ASAP1: variants seen among roughly 807,000 people sequenced by gnomAD.
The protein encoded by ASAP1 is ArfGAP with SH3 domain, ankyrin repeat and PH domain 1, also known as arf-GAP with SH3 domain, ANK repeat and PH domain-containing protein 1.
ASAP1 carries 43 observed loss-of-function variants against 145.2 expected under a neutral mutation model. That is an observed-to-expected ratio of 0.30 (90% CI 0.23 to 0.38). The LOEUF (loss-of-function observed/expected upper bound fraction) is 0.38. Ranked by LOEUF, ASAP1 falls within the 10% of genes least tolerant of loss-of-function variation. ASAP1 has a pLI of 1.00. For missense variants in ASAP1, 1,018 were observed against 1,355.3 expected (o/e 0.75, Z 3.91); for synonymous variants, 546 against 515.5 (o/e 1.06, Z -0.80).
intron 11 of ASAP1, 109 bp from the exon 12 acceptor site, chr8:130,160,073 G>T: frequency 1.1e-6 from 1 of 896,638 alleles, no homozygotes. Context: ...AGGGAATTAT[G>T]GAACTTTAAG....
chr8:130,318,195 C>A (rs182691081), intron 3 of ASAP1, among the ~76,000 whole-genome samples: 1 of 152,290 alleles, frequency 6.6e-6, no homozygotes, highest in East Asian at 1.9e-4. Context: ...AATCCTCCCA[C>A]CTCAGCCCCC....
intron 5 of ASAP1, among the ~76,000 whole-genome samples, chr8:130,197,012 T>C (rs902929579): frequency 6.6e-6 from 1 of 152,218 alleles, no homozygotes; most frequent in African/African-American, 2.4e-5. Context: ...GAGCAAAGAA[T>C]CCCAGAGGCA....
intron 27 of ASAP1, among the ~76,000 whole-genome samples, chr8:130,074,041 A>C (rs1398519359): frequency 1.3e-5 from 2 of 152,168 alleles, no homozygotes; most frequent in African/African-American, 2.4e-5. Context: ...CTTTAGCCTA[A>C]GACACTTAGA....
chr8:130,262,417 AGAGAGAG>A lies in ASAP1; in HGVS notation c.187-25430_187-25424del, dbSNP rs139790881. 6.4e-3 allele frequency among the ~76,000 whole-genome samples: 210 copies of A among 32,946 alleles called. 3 individuals are homozygous for A. The highest frequency in any genetic ancestry group is 0.017 in the East Asian group (11 of 632). 21.6% of individuals were successfully genotyped at this position (32,946 alleles called of 152,430 possible). ...CAAAAAAAAAAAAAAAAAAAAAAAAAGAGAGAGAGAGAGAGAGAGAGAGAGAGAGAGA... is the reference window on the plus strand; with the variant it reads ...CAAAAAAAAAAAAAAAAAAAAAAAAAAGAGAGAGAGAGAGAGAGAGAGAGA... On this transcript the variant is annotated intron_variant, in intron 3 of 29. Coordinates refer to ENST00000518721, the MANE Select transcript of ASAP1 (RefSeq NM_018482.4).
At chr8:130,310,278 A>G (rs1336171228) in intron 3 of ASAP1, among the ~76,000 whole-genome samples, 2 of 152,218 alleles carry the variant, frequency 1.3e-5, no homozygotes, top group Non-Finnish European at 2.9e-5. Context: ...AGAATTATGA[A>G]GTAGAAAATT....
intron 11 of ASAP1, chr8:130,160,838 A>G (rs2097667689): frequency 8.0e-7 from 1 of 1,255,240 alleles, no homozygotes; most frequent in Non-Finnish European, 1.0e-6. Flanking sequence ...AAGGCAGAAC[A>G]TTTGAAAATA....
At chr8:130,141,440 G>A (rs2097610868) in intron 13 of ASAP1, among the ~76,000 whole-genome samples, 1 of 152,138 alleles carries the variant, frequency 6.6e-6, no homozygotes, top group South Asian at 2.1e-4. Flanking sequence ...CCTCCTCAGA[G>A]GAGGCGGTAC....
intron 1 of ASAP1, among the ~76,000 whole-genome samples, chr8:130,423,772 T>A (rs1335348074): frequency 1.3e-5 from 2 of 151,876 alleles, no homozygotes; most frequent in African/African-American, 4.8e-5. Flanking sequence ...TTATGGATGA[T>A]GATTATTTGC....
Position 130,437,060 on chromosome 8 carries a change from A to G in ASAP1, c.-28+6400T>C, listed in dbSNP as rs1451797492. Among the ~76,000 whole-genome samples the G allele has an allele frequency of 4.7e-5, 7 of 150,116 alleles. No individual in the cohort carries two copies. In the East Asian group the frequency reaches 1.4e-3, roughly 29 times the overall value. On this transcript the variant is annotated intron_variant, in intron 1 of 29. Transcript: ENST00000518721. ...GGAGCAGTTGCAGTGAGCCAAAATC[A>G]CACCACTGCACTCCAGCCTAGGCGA...
intron 24 of ASAP1, among the ~76,000 whole-genome samples, chr8:130,096,762 T>C (rs944565226): frequency 6.6e-6 from 1 of 152,126 alleles, no homozygotes; most frequent in African/African-American, 2.4e-5. Flanking sequence ...CAGAGATGGA[T>C]GACAGGACTA....
At chr8:130,168,589 A>C (rs1394711913) in intron 10 of ASAP1, among the ~76,000 whole-genome samples, 3 of 152,000 alleles carry the variant, frequency 2.0e-5, no homozygotes, top group Non-Finnish European at 4.4e-5. Context: ...GACTCTGAAA[A>C]ACAAAAACAA....
At position 130,174,667 on chromosome 8, in the gene ASAP1, T is replaced by C. The variant is rs577701544; in HGVS notation, c.746+4597A>G. On this transcript the variant is annotated intron_variant, in intron 9 of 29. Coordinates refer to ENST00000518721, the MANE Select transcript of ASAP1 (RefSeq NM_018482.4). Reference sequence around the variant, plus strand: ...CAATAACCAACAGCCAATGATTTAATCAATCATGCCTATGTAATAAAACCT... The same window carrying C: ...CAATAACCAACAGCCAATGATTTAACCAATCATGCCTATGTAATAAAACCT... Among the ~76,000 whole-genome samples the C allele has an allele frequency of 7.2e-5, 11 of 152,334 alleles. No individual in the cohort carries two copies. The East Asian group carries it at 1.5e-3, about 21-fold the overall frequency.
chr8:130,289,298 T>C (rs1223606515), intron 3 of ASAP1, among the ~76,000 whole-genome samples: 6 of 152,222 alleles, frequency 3.9e-5, no homozygotes, highest in African/African-American at 1.4e-4. Context: ...ACTAACACTA[T>C]TAAACAAAAA....
intron 29 of ASAP1, among the ~76,000 whole-genome samples, chr8:130,056,749 G>A (rs912317142): frequency 6.6e-6 from 1 of 152,222 alleles, no homozygotes; most frequent in Non-Finnish European, 1.5e-5. Flanking sequence ...CGAGCCTCAG[G>A]TCCCTTCCTG....
intron 25 of ASAP1, among the ~76,000 whole-genome samples, chr8:130,090,926 A>G (rs2097504144): frequency 6.6e-6 from 1 of 152,236 alleles, no homozygotes; most frequent in Non-Finnish European, 1.5e-5. Flanking sequence ...ACTCCACAGC[A>G]GGAAGAGGTG....
chr8:130,307,765 G>C (rs1238154438), intron 3 of ASAP1, among the ~76,000 whole-genome samples: 1 of 152,200 alleles, frequency 6.6e-6, no homozygotes, highest in Non-Finnish European at 1.5e-5. Context: ...AAAGCCTGCG[G>C]AAAGTCAAAA....
intron 3 of ASAP1, among the ~76,000 whole-genome samples, chr8:130,279,349 T>C (rs940269282): frequency 6.6e-6 from 1 of 152,064 alleles, no homozygotes; most frequent in African/African-American, 2.4e-5. Context: ...GCCAGATCCA[T>C]GGCTGTCCCA....
chr8:130,438,516 A>G (rs377243179), intron 1 of ASAP1, among the ~76,000 whole-genome samples: 4 of 152,112 alleles, frequency 2.6e-5, no homozygotes, highest in African/African-American at 9.7e-5. Context: ...TAGGAAATGG[A>G]CTGGGGGCAG....
At chr8:130,073,145 A>G (rs1290580158) in intron 27 of ASAP1, among the ~76,000 whole-genome samples, 12 of 151,928 alleles carry the variant, frequency 7.9e-5, no homozygotes, top group Admixed American at 7.9e-4. Context: ...AGCTTTCCAC[A>G]TTGGGAGGCT....
Sources: gnomAD v4.1 joint callset for allele counts (sites outside exome capture counted in the v4.1 genomes callset) on GRCh38, gnomAD v4.1.1 for gene constraint, MANE v1.5 for transcripts, NCBI Gene and HGNC (gene_info 2026-07-23, HGNC 2026-07-21) for gene names.